SLC35F4: variants seen among roughly 807,000 people sequenced by gnomAD.
SLC35F4 encodes the protein solute carrier family 35 member F4.
A neutral mutation model predicts 44.2 loss-of-function variants in SLC35F4; 24 were observed. The ratio of observed to expected loss-of-function variants is 0.54; its 90% CI spans 0.39 to 0.76. The LOEUF (loss-of-function observed/expected upper bound fraction) is 0.76. SLC35F4 is among the 30% of genes least tolerant of loss of function. The pLI is 0.00. For synonymous variants in SLC35F4, 238 were observed against 223.6 expected (o/e 1.06, Z -0.57); for missense variants, 562 against 586.1 (o/e 0.96, Z 0.42).
At position 57,682,813 on chromosome 14, in the gene SLC35F4, C is replaced by T. The variant is rs188263038; in HGVS notation, c.104-88689G>A. Reference sequence around the variant, plus strand: ...ACTGACCTTGGGCAAGGCACTTAATCTCACTGTGTCTCAATGTCCTCATTT... The same window carrying T: ...ACTGACCTTGGGCAAGGCACTTAATTTCACTGTGTCTCAATGTCCTCATTT... On this transcript the variant is annotated intron_variant, in intron 1 of 7. Transcript: ENST00000556826. 2.1e-3 allele frequency among the ~76,000 whole-genome samples: 319 copies of T among 152,220 alleles called. 1 individual carries two copies. The highest frequency in any genetic ancestry group is 7.2e-3 in the African/African-American group (300 of 41,526).
chr14:57,594,912 G>A (rs1194500531), intron 1 of SLC35F4, among the ~76,000 whole-genome samples: 1 of 152,152 alleles, frequency 6.6e-6, no homozygotes, highest in Admixed American at 6.5e-5. Context: ...AGCCAATATA[G>A]TCACATAGGG....
At position 57,645,122 on chromosome 14, in the gene SLC35F4, A is replaced by G. The variant is rs541565954; in HGVS notation, c.104-50998T>C. On this transcript the variant is annotated intron_variant, in intron 1 of 7. Transcript: ENST00000556826. Reference sequence around the variant, plus strand: ...GATGCAGACTCTTTTTTGGTTCCACATGAACTTTAAAGTAGTTTTTTCCAA... The same window carrying G: ...GATGCAGACTCTTTTTTGGTTCCACGTGAACTTTAAAGTAGTTTTTTCCAA... 5.9e-5 allele frequency among the ~76,000 whole-genome samples: 9 copies of G among 152,252 alleles called. No individual in the cohort carries two copies. In the South Asian group the frequency reaches 1.9e-3, roughly 32 times the overall value.
At chr14:57,699,255 AT>A (rs2075467886) in intron 1 of SLC35F4, among the ~76,000 whole-genome samples, 1 of 152,216 alleles carries the variant, frequency 6.6e-6, no homozygotes, top group South Asian at 2.1e-4. Context: ...GAACAAAAAA[AT>A]AGAGGATTTG....
intron 1 of SLC35F4, among the ~76,000 whole-genome samples, chr14:57,611,990 C>T (rs1027553174): frequency 1.3e-5 from 2 of 152,200 alleles, no homozygotes; most frequent in Non-Finnish European, 2.9e-5. Context: ...TAATCTCCAG[C>T]TTTTCCTTGA....
At chr14:57,740,315 T>A (rs931414965) in intron 1 of SLC35F4, among the ~76,000 whole-genome samples, 2 of 152,224 alleles carry the variant, frequency 1.3e-5, no homozygotes, top group Non-Finnish European at 2.9e-5. Flanking sequence ...CTCACTGACA[T>A]AATTTGGGCT....
intron 1 of SLC35F4, among the ~76,000 whole-genome samples, chr14:57,788,925 G>A (rs1022351229): frequency 6.6e-6 from 1 of 152,094 alleles, no homozygotes; most frequent in African/African-American, 2.4e-5. Flanking sequence ...GGTACATAAC[G>A]AAATGAAGGC....
At chr14:57,731,760 G>A (rs2076349910) in intron 1 of SLC35F4, among the ~76,000 whole-genome samples, 1 of 152,212 alleles carries the variant, frequency 6.6e-6, no homozygotes, top group South Asian at 2.1e-4. Context: ...AAAGAATTCA[G>A]AAAGAAGTCC....
At chr14:57,644,967 T>C (rs1424118659) in intron 1 of SLC35F4, among the ~76,000 whole-genome samples, 1 of 152,222 alleles carries the variant, frequency 6.6e-6, no homozygotes, top group African/African-American at 2.4e-5. Context: ...TCTGTTTTGT[T>C]CCATTGGTCT....
At chr14:57,883,644 CTCTA>C (rs1454309921) in intron 1 of SLC35F4, among the ~76,000 whole-genome samples, 1 of 152,138 alleles carries the variant, frequency 6.6e-6, no homozygotes, top group Non-Finnish European at 1.5e-5. Flanking sequence ...AATAGGCTCT[CTCTA>C]TTTTGACTGA....
intron 1 of SLC35F4, among the ~76,000 whole-genome samples, chr14:57,694,973 A>C (rs1314247018): frequency 6.6e-6 from 1 of 152,172 alleles, no homozygotes; most frequent in East Asian, 1.9e-4. Context: ...GTAAATAATG[A>C]GGATTATTTA....
At position 57,839,272 on chromosome 14, in the gene SLC35F4, T is replaced by C. The variant is rs143472395; in HGVS notation, c.103+26451A>G. Among the ~76,000 whole-genome samples the C allele has an allele frequency of 4.3e-3, 662 of 152,310 alleles. 2 individuals carry two copies. The highest frequency in any genetic ancestry group is 0.015 in the African/African-American group (605 of 41,566). ...TTAGAAAACTCCACTCCTTCTTCAC[T>C]TCTTATCCTTCGGTTGCTCTTTATG... On this transcript the variant is annotated intron_variant, in intron 1 of 7. Transcript: ENST00000556826.
At chr14:57,890,037 C>A (rs1027433163) in intron 1 of SLC35F4, among the ~76,000 whole-genome samples, 1 of 152,166 alleles carries the variant, frequency 6.6e-6, no homozygotes, top group Non-Finnish European at 1.5e-5. Flanking sequence ...ACTGTGGATG[C>A]GGTATCCTTC....
chr14:57,607,326 G>A (rs2071219867), intron 1 of SLC35F4, among the ~76,000 whole-genome samples: 1 of 152,166 alleles, frequency 6.6e-6, no homozygotes, highest in Admixed American at 6.5e-5. Flanking sequence ...GTACCAGTCA[G>A]GAACTGGCAG....
At chr14:57,701,908 A>G (rs2075552059) in intron 1 of SLC35F4, among the ~76,000 whole-genome samples, 1 of 152,148 alleles carries the variant, frequency 6.6e-6, no homozygotes, top group Non-Finnish European at 1.5e-5. Flanking sequence ...AACTGTGAAA[A>G]TAGAAATTGT....
chr14:57,837,349 T>C (rs1022892687), intron 1 of SLC35F4: 1 of 152,200 alleles, frequency 6.6e-6, no homozygotes, highest in African/African-American at 2.4e-5. Flanking sequence ...GGAGGTATGA[T>C]GGAGAAACGG....
intron 5 of SLC35F4, 52 bp downstream of exon 5, chr14:57,571,842 C>G (rs2068523165): frequency 6.3e-7 from 1 of 1,578,208 alleles, no homozygotes; most frequent in Non-Finnish European, 8.6e-7. Flanking sequence ...CTTTAGTACT[C>G]AAGTCTAAGT....
chr14:57,685,748 G>T (rs1380728516), intron 1 of SLC35F4, among the ~76,000 whole-genome samples: 1 of 152,134 alleles, frequency 6.6e-6, no homozygotes. Flanking sequence ...CTTTGCCCCA[G>T]AGACTAAACA....
At chr14:57,864,316 G>A (rs539338931) in intron 1 of SLC35F4, among the ~76,000 whole-genome samples, 24 of 152,264 alleles carry the variant, frequency 1.6e-4, no homozygotes, top group Non-Finnish European at 3.5e-4. Context: ...TACTTCAAAG[G>A]GCATTCCACA....
At chr14:57,702,191 T>C (rs565319564) in intron 1 of SLC35F4, among the ~76,000 whole-genome samples, 1 of 152,272 alleles carries the variant, frequency 6.6e-6, no homozygotes, top group African/African-American at 2.4e-5. Context: ...AAGATAATTA[T>C]CTCAACACTG....
Sources: gnomAD v4.1 joint callset for allele counts (sites outside exome capture counted in the v4.1 genomes callset) on GRCh38, gnomAD v4.1.1 for gene constraint, MANE v1.5 for transcripts, NCBI Gene and HGNC (gene_info 2026-07-23, HGNC 2026-07-21) for gene names.